GPR173: variants seen among roughly 807,000 people sequenced by gnomAD.
GPR173 encodes probable G protein-coupled receptor 173.
A neutral mutation model predicts 13.9 loss-of-function variants in GPR173; 2 were observed. That is an observed-to-expected ratio of 0.14 (90% CI 0.06 to 0.45). The LOEUF is 0.45. Ranked by LOEUF, GPR173 falls within the 20% of genes least tolerant of loss-of-function variation. The pLI is 0.98. For missense variants in GPR173, 202 were observed against 340.5 expected (o/e 0.59, Z 3.20); for synonymous variants, 131 against 141.0 (o/e 0.93, Z 0.50).
In GPR173 at chrX:53,048,789, AC is replaced by A. The variant is rs1402274616; in HGVS notation, c.-788del. On this transcript the variant is annotated 5_prime_UTR_variant, in exon 1 of 2. Transcript: ENST00000332582. ...TCAGGCCAGCCTCTCTCTCCACCCC[AC>A]CCCCTCTTTCTGGCGTCCATCCCCT... Among the ~76,000 whole-genome samples the A allele has an allele frequency of 9.5e-6, 1 of 105,395 alleles. No homozygotes were observed. The highest frequency in any genetic ancestry group is 4.2e-4 in the South Asian group (1 of 2,384). The allele number at this position is 105,395 out of a possible 115,157, so 91.5% of individuals were successfully genotyped here.
intron 1 of GPR173, among the ~76,000 whole-genome samples, chrX:53,063,147 G>A (rs1932150824): frequency 9.1e-6 from 1 of 109,952 alleles, no homozygotes; most frequent in Non-Finnish European, 1.9e-5. Flanking sequence ...TCCCCAGGCT[G>A]TCCATGAAAT....
At chrX:53,062,835 T>C (rs1556803942) in intron 1 of GPR173, among the ~76,000 whole-genome samples, 1 of 110,744 alleles carries the variant, frequency 9.0e-6, no homozygotes, top group African/African-American at 3.3e-5. Context: ...CAGCCAACAT[T>C]AAGTCTTAAA....
intron 1 of GPR173, among the ~76,000 whole-genome samples, chrX:53,060,220 C>T (rs1218769913): frequency 9.2e-6 from 1 of 108,837 alleles, no homozygotes; most frequent in Non-Finnish European, 1.9e-5. Flanking sequence ...CACCATCTTA[C>T]CTCACTGCAA....
rs1488387675 is a variant in GPR173 at position 53,074,075 on chromosome X, C to A, written c.-97-2450C>A. ...ATATATTTATAAATATATAAATATACATGTATATTTATTTATATATAAATA... is the reference window on the plus strand; with the variant it reads ...ATATATTTATAAATATATAAATATAAATGTATATTTATTTATATATAAATA... On this transcript the variant is annotated intron_variant, in intron 1 of 1. Transcript: ENST00000332582. Among the ~76,000 whole-genome samples the A allele has an allele frequency of 8.0e-4, 19 of 23,710 alleles. 1 individual carries two copies. Among genetic ancestry groups the A allele is most frequent in the Middle Eastern group, 0.043 (1 of 23 alleles). The allele number at this position is 23,710 out of a possible 115,157, so 20.6% of individuals were successfully genotyped here. A position where few individuals can be genotyped will look rare whatever the true frequency, so the allele number is the denominator to read the frequency against.
At chrX:53,076,419 T>C in intron 1 of GPR173, 106 bp from the exon 2 acceptor site, 1 of 378,001 alleles carries the variant, frequency 2.6e-6, no homozygotes, top group Non-Finnish European at 4.6e-6. Flanking sequence ...ACGCCTGTTG[T>C]GTTTTTCTGC....
chrX:53,055,169 T>G (rs1932015613), intron 1 of GPR173, among the ~76,000 whole-genome samples: 1 of 109,935 alleles, frequency 9.1e-6, no homozygotes, highest in Non-Finnish European at 1.9e-5. Flanking sequence ...GGGGTGTTTC[T>G]GAGTGTGGTA....
At chrX:53,049,935 GGTGTGTGTGTGTGTGT>G (rs782209160) in intron 1 of GPR173, among the ~76,000 whole-genome samples, 3 of 93,015 alleles carry the variant, frequency 3.2e-5, no homozygotes, top group South Asian at 1.0e-3. Flanking sequence ...CTGCTGGCCG[GGTGTGTGTGTGTGTGT>G]GTGTGTGTGT....
Position 53,054,446 on chromosome X carries a change from G to A in GPR173, c.-98+4962G>A, listed in dbSNP as rs782271008. Among the ~76,000 whole-genome samples the A allele has an allele frequency of 5.5e-5, 6 of 108,825 alleles. No individual in the cohort carries two copies. The South Asian group carries it at 2.5e-3, about 45-fold the overall frequency. 94.5% of individuals were successfully genotyped at this position (108,825 alleles called of 115,157 possible). On this transcript the variant is annotated intron_variant, in intron 1 of 1. Coordinates refer to ENST00000332582, the MANE Select transcript of GPR173 (RefSeq NM_018969.6). ...TTGAACCCAGGAGGTGGAGGTTGCA[G>A]TGAGCCCAGATCATGCCACTGCACT...
intron 1 of GPR173, among the ~76,000 whole-genome samples, chrX:53,049,975 T>TGCGC (rs1556802490): frequency 9.5e-6 from 1 of 104,879 alleles, no homozygotes; most frequent in African/African-American, 3.6e-5. Flanking sequence ...TGTGTGTGTG[T>TGCGC]GCACCTGGGT....
intron 1 of GPR173, among the ~76,000 whole-genome samples, chrX:53,068,840 C>T (rs1375750747): frequency 9.3e-6 from 1 of 107,487 alleles, no homozygotes; most frequent in African/African-American, 3.4e-5. Context: ...GTAATCCCAG[C>T]ATCTTCGGGG....
intron 1 of GPR173, among the ~76,000 whole-genome samples, chrX:53,073,447 T>G (rs1932294584): frequency 9.1e-6 from 1 of 110,478 alleles, no homozygotes; most frequent in South Asian, 3.8e-4. Context: ...TGCTGTTACC[T>G]GGTCACATCC....
chrX:53,060,962 T>A (rs1556803735), intron 1 of GPR173, among the ~76,000 whole-genome samples: 2 of 105,549 alleles, frequency 1.9e-5, no homozygotes, highest in Admixed American at 1.0e-4. Flanking sequence ...GGTGACATTT[T>A]TACTCCCTTT....
At chrX:53,073,688 T>A (rs782554366) in intron 1 of GPR173, among the ~76,000 whole-genome samples, 2 of 101,529 alleles carry the variant, frequency 2.0e-5, no homozygotes, top group South Asian at 8.5e-4. Flanking sequence ...AGTCAGTGAG[T>A]CTTTAACTCC....
At chrX:53,051,546 G>T (rs962414477) in intron 1 of GPR173, among the ~76,000 whole-genome samples, 1 of 110,731 alleles carries the variant, frequency 9.0e-6, no homozygotes, top group Non-Finnish European at 1.9e-5. Context: ...TGGCATGTGT[G>T]TGAGTGTGTG....
At chrX:53,061,671 G>C (rs1238632351) in intron 1 of GPR173, among the ~76,000 whole-genome samples, 1 of 111,718 alleles carries the variant, frequency 9.0e-6, no homozygotes, top group Non-Finnish European at 1.9e-5. Flanking sequence ...CAGAATTTTA[G>C]GGGAGTTATT....
At chrX:53,063,119 G>T (rs1176988894) in intron 1 of GPR173, among the ~76,000 whole-genome samples, 2 of 109,734 alleles carry the variant, frequency 1.8e-5, no homozygotes, top group African/African-American at 6.6e-5. Context: ...CCATCCCTAT[G>T]ACAAGTCTCT....
intron 1 of GPR173, among the ~76,000 whole-genome samples, chrX:53,055,490 G>C (rs1364155655): frequency 9.1e-6 from 1 of 110,390 alleles, no homozygotes; most frequent in Non-Finnish European, 1.9e-5. Flanking sequence ...TCTGGGTGGA[G>C]AGTGCAGGCG....
At chrX:53,049,780 T>C (rs1402307198) in intron 1 of GPR173, among the ~76,000 whole-genome samples, 2 of 111,679 alleles carry the variant, frequency 1.8e-5, no homozygotes, top group Admixed American at 9.5e-5. Flanking sequence ...TGTTAATCTT[T>C]CCTTGTGTGC....
chrX:53,073,635 G>A (rs1932299830), intron 1 of GPR173, among the ~76,000 whole-genome samples: 1 of 105,761 alleles, frequency 9.5e-6, no homozygotes, highest in African/African-American at 3.4e-5. Context: ...TATTGTCACT[G>A]AGAGCCTACC....
Sources: gnomAD v4.1 joint callset for allele counts (sites outside exome capture counted in the v4.1 genomes callset) on GRCh38, gnomAD v4.1.1 for gene constraint, MANE v1.5 for transcripts, NCBI Gene and HGNC (gene_info 2026-07-23, HGNC 2026-07-21) for gene names.